The following GLP2R variants were observed in gnomAD, a reference collection of about 807,000 sequenced individuals.
GLP2R encodes glucagon like peptide 2 receptor.
In GLP2R, 59 loss-of-function variants were observed where a neutral mutation model predicts 68.2. That is an observed-to-expected ratio of 0.87 (90% CI 0.70 to 1.07). GLP2R has a LOEUF of 1.07. Among genes scored for constraint, GLP2R ranks in the 50% least tolerant of loss-of-function variants. The pLI, the probability that GLP2R is intolerant of heterozygous loss-of-function variation, is 0.00. For synonymous variants in GLP2R, 270 were observed against 265.4 expected, an observed-to-expected ratio of 1.02 and a Z score of -0.17; for missense variants, 548 against 677.4, an observed-to-expected ratio of 0.81 and a Z score of 2.12.
chr17:9,888,432 T>C (rs973837706), intron 12 of GLP2R, among the ~76,000 whole-genome samples: 14 of 152,166 alleles, frequency 9.2e-5, no homozygotes, highest in Admixed American at 4.6e-4. Flanking sequence ...AAATAAATGC[T>C]CAACACCTGG....
intron 9 of GLP2R, among the ~76,000 whole-genome samples, chr17:9,863,178 T>A (rs1037562318): frequency 6.6e-6 from 1 of 152,146 alleles, no homozygotes; most frequent in African/African-American, 2.4e-5. Flanking sequence ...TGCTTAGCCC[T>A]GCCACATCCT....
chr17:9,889,419 A>G lies in GLP2R; in HGVS notation c.1376A>G (p.His459Arg). Residue 459 changes from histidine (H) to arginine (R), a missense_variant, in exon 13 of 13, where the codon CAC becomes CGC. Coordinates refer to ENST00000262441, the MANE Select transcript of GLP2R (RefSeq NM_004246.3). ...TGGGTCCGCTTCTTGCTAGCCCGCC[A>G]CTCAGGCTGCAGAGCCTGTGTCCTG... ...KYWVRFLLAR[H>R]SGCRACVLGK... The G allele has an allele frequency of 1.2e-6, 2 of 1,614,166 alleles. No individual in the cohort carries two copies. The highest frequency in any genetic ancestry group is 1.7e-6 in the Non-Finnish European group (2 of 1,179,980).
chr17:9,873,187 A>T (rs768193984), intron 10 of GLP2R, among the ~76,000 whole-genome samples: 2 of 152,196 alleles, frequency 1.3e-5, no homozygotes, highest in Non-Finnish European at 2.9e-5. Flanking sequence ...AACAGGTGCC[A>T]GGAAAACCAG....
At chr17:9,828,496 C>CCTG (rs1470443080) in intron 1 of GLP2R, among the ~76,000 whole-genome samples, 1 of 152,348 alleles carries the variant, frequency 6.6e-6, no homozygotes, top group East Asian at 1.9e-4. Flanking sequence ...CCTGAGACAG[C>CCTG]GCTCAGGATA....
At chr17:9,846,609 ACT>A (rs1384674882) in intron 4 of GLP2R, among the ~76,000 whole-genome samples, 3 of 152,128 alleles carry the variant, frequency 2.0e-5, no homozygotes, top group East Asian at 1.9e-4. Flanking sequence ...ACAGAGTGAG[ACT>A]CTGTCTCAAA....
Position 9,844,668 on chromosome 17 carries a change from C to CTTTTTTTTTTTTTTTTT in GLP2R, c.504+2074_504+2090dup, listed in dbSNP as rs71139004. Among the ~76,000 whole-genome samples, 52 of 44,316 alleles carry CTTTTTTTTTTTTTTTTT rather than the reference C, an allele frequency of 1.2e-3. 15 individuals are homozygous for CTTTTTTTTTTTTTTTTT. The highest frequency in any genetic ancestry group is 1.8e-3 in the Non-Finnish European group (38 of 21,402). 29.1% of individuals were successfully genotyped at this position (44,316 alleles called of 152,430 possible). On this transcript the variant is annotated intron_variant, in intron 4 of 12. Transcript: ENST00000262441. The stretch of plus-strand genomic sequence containing the variant: ...ATTCTCAATATTTTACTACCTAATT[C>CTTTTTTTTTTTTTTTTT]TTTTTTTTTTTTTTTTTTTTTTTTT...
At chr17:9,874,443 A>C (rs1164035693) in intron 10 of GLP2R, among the ~76,000 whole-genome samples, 1 of 152,158 alleles carries the variant, frequency 6.6e-6, no homozygotes, top group Non-Finnish European at 1.5e-5. Flanking sequence ...AAGGGATCAC[A>C]TGAGGCTAGG....
intron 9 of GLP2R, among the ~76,000 whole-genome samples, chr17:9,863,995 G>A (rs1195114861): frequency 6.6e-6 from 1 of 152,158 alleles, no homozygotes; most frequent in Non-Finnish European, 1.5e-5. Flanking sequence ...GCCATCCCTA[G>A]GATAGCGTTG....
intron 8 of GLP2R, 51 bp from the exon 9 acceptor site, chr17:9,861,969 AC>A: frequency 7.9e-7 from 1 of 1,269,716 alleles, no homozygotes; most frequent in Non-Finnish European, 1.2e-6. Flanking sequence ...TTGACTTTCA[AC>A]CTCCTCTTGT....
intron 6 of GLP2R, among the ~76,000 whole-genome samples, chr17:9,857,867 A>G (rs1253580492): frequency 1.3e-5 from 2 of 152,244 alleles, no homozygotes; most frequent in African/African-American, 2.4e-5. Context: ...TTTTACAATT[A>G]TAGCTGGCCC....
At chr17:9,866,054 C>CCTAGAA in intron 9 of GLP2R, 8 of 377,542 alleles carry the variant, frequency 2.1e-5, no homozygotes, top group Admixed American at 3.4e-5. Context: ...TTCTAGGACT[C>CCTAGAA]TGTGCATTGG....
At chr17:9,873,903 A>G in intron 10 of GLP2R, among the ~76,000 whole-genome samples, 1 of 152,148 alleles carries the variant, frequency 6.6e-6, no homozygotes, top group East Asian at 1.9e-4. Context: ...GGCCATTATA[A>G]ATGTCATGCA....
At chr17:9,854,971 C>A (rs1306021506) in intron 5 of GLP2R, among the ~76,000 whole-genome samples, 1 of 152,232 alleles carries the variant, frequency 6.6e-6, no homozygotes, top group South Asian at 2.1e-4. Context: ...TGGAGCTGGT[C>A]AAGGTTAGAT....
chr17:9,869,001 T>C (rs1275495125), intron 9 of GLP2R, among the ~76,000 whole-genome samples: 1 of 152,228 alleles, frequency 6.6e-6, no homozygotes, highest in Non-Finnish European at 1.5e-5. Flanking sequence ...AAACTTTCTG[T>C]TCCTAAATAT....
Position 9,861,215 on chromosome 17 carries a change from G to A in GLP2R, c.986+16G>A, listed in dbSNP as rs748462341. ...AGAACACAGGGTAGGTAATTCACCAGGTGTTATTCTTTCACGAGCCGGTAA... is the reference window on the plus strand; with the variant it reads ...AGAACACAGGGTAGGTAATTCACCAAGTGTTATTCTTTCACGAGCCGGTAA... On this transcript the variant is annotated intron_variant, in intron 8 of 12. Transcript: ENST00000262441. 1 of 1,558,476 alleles carries A rather than the reference G, an allele frequency of 6.4e-7. No homozygotes were observed. The highest frequency in any genetic ancestry group is 1.7e-5 in the Admixed American group (1 of 59,642).
chr17:9,846,569 C>T lies in GLP2R; in HGVS notation c.504+3953C>T, dbSNP rs2066840994. ...AGGAGGTTGAGACTGTAATGAGCTA[C>T]GATTGTGCCACTGCACTCCAGCTTT... On this transcript the variant is annotated intron_variant, in intron 4 of 12. Coordinates refer to ENST00000262441, the MANE Select transcript of GLP2R (RefSeq NM_004246.3). Among the ~76,000 whole-genome samples, 5 of 152,212 alleles carry T rather than the reference C, an allele frequency of 3.3e-5. No individual in the cohort carries two copies. The South Asian group carries it at 8.3e-4, about 25-fold the overall frequency.
intron 10 of GLP2R, among the ~76,000 whole-genome samples, chr17:9,877,628 A>G (rs1238554627): frequency 3.9e-5 from 6 of 152,186 alleles, no homozygotes; most frequent in African/African-American, 7.2e-5. Context: ...GGTGGCTCAA[A>G]CCTGTAATCC....
In GLP2R at chr17:9,887,912, A is replaced by G. The variant is rs760836980; in HGVS notation, c.1285-20A>G. ...CTTCTCCGGAGTCAGATTTTATGCC[A>G]TGTCCTCCTTTTGTTTCAGGGGTTC... On this transcript the variant is annotated intron_variant, in intron 11 of 12. Transcript: ENST00000262441. The G allele has an allele frequency of 1.9e-6, 3 of 1,600,456 alleles. No individual in the cohort carries two copies. Among genetic ancestry groups the G allele is most frequent in the Non-Finnish European group, 2.6e-6 (3 of 1,167,654 alleles).
intron 1 of GLP2R, 78 bp from the exon 2 acceptor site, chr17:9,833,729 G>A: frequency 1.2e-6 from 1 of 834,818 alleles, no homozygotes; most frequent in East Asian, 2.4e-5. Flanking sequence ...GGGAAGGTTG[G>A]AGAATCATGG....
Sources: allele counts gnomAD v4.1 joint callset (sites outside exome capture counted in the v4.1 genomes callset), GRCh38; gene constraint gnomAD v4.1.1; transcripts MANE v1.5; gene names NCBI Gene and HGNC (gene_info 2026-07-23, HGNC 2026-07-21).